The following TMEM120B variants were observed in gnomAD, a reference collection of about 807,000 sequenced individuals.
TMEM120B encodes the protein transmembrane protein 120B.
In TMEM120B, 31 loss-of-function variants were observed where a neutral mutation model predicts 55.5. That is an observed-to-expected ratio of 0.56 (90% confidence interval 0.42 to 0.75). The LOEUF is 0.75. Ranked by LOEUF, TMEM120B falls within the 30% of genes least tolerant of loss-of-function variation. The probability of loss-of-function intolerance (pLI) is 0.00; values close to 1 mark genes in which losing one functional copy is unlikely to be tolerated. For missense variants in TMEM120B, 399 were observed against 425.5 expected (o/e 0.94, Z 0.55); for synonymous variants, 203 against 176.3 (o/e 1.15, Z -1.20).
chr12:121,775,939 C>G lies in TMEM120B; in HGVS notation c.*217C>G, dbSNP rs1874230917. 2 of 614,750 alleles carry G rather than the reference C, an allele frequency of 3.3e-6. No individual in the cohort carries two copies. Among genetic ancestry groups the G allele is most frequent in the Admixed American group, 2.9e-5 (1 of 34,502 alleles). The allele number at this position is 614,750 out of a possible 1,614,324, so 38.1% of individuals were successfully genotyped here. A position where few individuals can be genotyped will look rare whatever the true frequency, so the allele number is the denominator to read the frequency against. ...TATTTAATGCTGGGTCCCCCATCGT[C>G]CCTGGAACCCGAGGCCTCACTCCTG... is the stretch of plus-strand genomic sequence containing the variant. On this transcript the variant is annotated 3_prime_UTR_variant, in exon 12 of 12. Transcript: ENST00000449592. This position sits in a 1 kb window ranked among gnomAD's most constrained non-coding sequence, Gnocchi z 4.3.
At position 121,780,978 on chromosome 12, in the gene TMEM120B, C is replaced by A; in HGVS notation, c.*5256C>A. 5 of 1,613,848 alleles carry A rather than the reference C, an allele frequency of 3.1e-6. No individual in the cohort carries two copies. The highest frequency in any genetic ancestry group is 4.2e-6 in the Non-Finnish European group (5 of 1,179,850). ...GCCGATGAGCACCATGGGGATCCCGCGGCAGAAATGCGTGACCTCAGGGAA... is the reference window on the plus strand; with the variant it reads ...GCCGATGAGCACCATGGGGATCCCGAGGCAGAAATGCGTGACCTCAGGGAA... On this transcript the variant is annotated 3_prime_UTR_variant, in exon 12 of 12. Transcript: ENST00000449592.
intron 5 of TMEM120B, among the ~76,000 whole-genome samples, chr12:121,753,259 A>G (rs1207984106): frequency 6.6e-6 from 1 of 152,196 alleles, no homozygotes; most frequent in East Asian, 1.9e-4. Flanking sequence ...AGAACAGGCA[A>G]ATCTATAGAG....
rs111622718 is a variant in TMEM120B at position 121,747,351 on chromosome 12, G to T, written c.189-975G>T. Among the ~76,000 whole-genome samples the T allele has an allele frequency of 2.5e-3, 3 of 1,212 alleles. No individual in the cohort carries two copies. The East Asian group carries it at 0.14, about 55-fold the overall frequency. The allele number at this position is 1,212 out of a possible 152,430, so 0.8% of individuals were successfully genotyped here. A position where few individuals can be genotyped will look rare whatever the true frequency, so the allele number is the denominator to read the frequency against. ...GGGAGGCTGGGGTAAAAGGCGGGAGGCTGGGGTAGAAGGCGGGAGGCTGGG... is the reference window on the plus strand; with the variant it reads ...GGGAGGCTGGGGTAAAAGGCGGGAGTCTGGGGTAGAAGGCGGGAGGCTGGG... On this transcript the variant is annotated intron_variant, in intron 2 of 11. Coordinates refer to ENST00000449592, the MANE Select transcript of TMEM120B (RefSeq NM_001080825.2).
intron 1 of TMEM120B, among the ~76,000 whole-genome samples, chr12:121,739,535 C>T (rs1291438169): frequency 6.6e-6 from 1 of 151,888 alleles, no homozygotes; most frequent in Non-Finnish European, 1.5e-5. Context: ...TGCAGTGACA[C>T]GATCTCAGCT....
intron 6 of TMEM120B, among the ~76,000 whole-genome samples, chr12:121,764,546 G>A (rs1224594094): frequency 6.6e-6 from 1 of 151,906 alleles, no homozygotes; most frequent in Non-Finnish European, 1.5e-5. Flanking sequence ...AGGCATGGTG[G>A]TGTACACCTG....
At chr12:121,766,950 C>T (rs1023758628) in intron 6 of TMEM120B, among the ~76,000 whole-genome samples, 4 of 152,180 alleles carry the variant, frequency 2.6e-5, no homozygotes, top group Non-Finnish European at 5.9e-5. Flanking sequence ...TGGCCCAAGG[C>T]ACAGAGCCAG....
At chr12:121,719,257 A>C (rs1256831997) in intron 1 of TMEM120B, among the ~76,000 whole-genome samples, 1 of 151,254 alleles carries the variant, frequency 6.6e-6, no homozygotes, top group Non-Finnish European at 1.5e-5. Flanking sequence ...AAAAAAAAAC[A>C]GAGAGAGGGA....
In TMEM120B at chr12:121,778,125, C is replaced by T. The variant is rs1874305871; in HGVS notation, c.*2403C>T. 1 of 152,230 alleles carries T rather than the reference C, an allele frequency of 6.6e-6. No individual in the cohort carries two copies. The highest frequency in any genetic ancestry group is 1.5e-5 in the Non-Finnish European group (1 of 68,084). The allele number at this position is 152,230 out of a possible 1,614,324, so 9.4% of individuals were successfully genotyped here. A position where few individuals can be genotyped will look rare whatever the true frequency, so the allele number is the denominator to read the frequency against. ...TCCAGAGCCAAGCAGCTTGCGACTT[C>T]TGGTAGGCACCGGAATCCCCTGGGA... On this transcript the variant is annotated 3_prime_UTR_variant, in exon 12 of 12. Transcript: ENST00000449592.
intron 5 of TMEM120B, among the ~76,000 whole-genome samples, chr12:121,760,129 CAAA>C (rs1006164597): frequency 1.9e-4 from 9 of 47,426 alleles, no homozygotes; most frequent in African/African-American, 5.3e-4. Flanking sequence ...AACTACGTCT[CAAA>C]AAAAAAAAAA....
chr12:121,713,039 C>A, intron 1 of TMEM120B, 75 bp downstream of exon 1: 1 of 1,313,866 alleles, frequency 7.6e-7, no homozygotes, highest in African/African-American at 1.6e-5. Context: ...GCCCCCCGGC[C>A]CGGGCGGTGG....
At chr12:121,773,117 C>G (rs1208782362) in intron 8 of TMEM120B, among the ~76,000 whole-genome samples, 1 of 152,202 alleles carries the variant, frequency 6.6e-6, no homozygotes, top group African/African-American at 2.4e-5. Flanking sequence ...AGCTTGCATT[C>G]CAGCAAGCAT....
chr12:121,765,410 A>G (rs923843662), intron 6 of TMEM120B, among the ~76,000 whole-genome samples: 27 of 152,234 alleles, frequency 1.8e-4, no homozygotes, highest in African/African-American at 6.3e-4. Context: ...GATTAGAGGC[A>G]TGAGCCACTG....
intron 1 of TMEM120B, among the ~76,000 whole-genome samples, chr12:121,741,825 A>G (rs1234478022): frequency 6.6e-6 from 1 of 151,062 alleles, no homozygotes; most frequent in Non-Finnish European, 1.5e-5. Flanking sequence ...AAAAACATTA[A>G]GTAAAATAAA....
intron 5 of TMEM120B, among the ~76,000 whole-genome samples, chr12:121,752,821 T>C (rs989190601): frequency 2.7e-5 from 4 of 150,760 alleles, no homozygotes; most frequent in African/African-American, 9.8e-5. Context: ...AAATGAAAAG[T>C]TGGGCGTGGT....
chr12:121,742,761 A>G (rs1241375369), intron 1 of TMEM120B, among the ~76,000 whole-genome samples: 1 of 152,040 alleles, frequency 6.6e-6, no homozygotes, highest in East Asian at 1.9e-4. Context: ...CATTTTTAGT[A>G]GAGACGGGGT....
chr12:121,774,402 A>G lies in TMEM120B; in HGVS notation c.773-256A>G, dbSNP rs76776754. Among the ~76,000 whole-genome samples the G allele has an allele frequency of 1.3e-3, 201 of 152,338 alleles. 1 individual carries two copies. The highest frequency in any genetic ancestry group is 4.6e-3 in the African/African-American group (190 of 41,578). On this transcript the variant is annotated intron_variant, in intron 9 of 11. Transcript: ENST00000449592. The stretch of plus-strand genomic sequence containing the variant: ...GCAGATTAAAGAAATTAGTAACAAC[A>G]TAGCGCCCAGTGTCTGTGTGTTGTC...
chr12:121,714,629 G>A (rs1186627751), intron 1 of TMEM120B, among the ~76,000 whole-genome samples: 4 of 133,896 alleles, frequency 3.0e-5, no homozygotes, highest in Admixed American at 8.1e-5. Context: ...TGGCACGATC[G>A]TGGCTCACTG....
At chr12:121,727,648 C>G (rs1333860960) in intron 1 of TMEM120B, among the ~76,000 whole-genome samples, 1 of 150,974 alleles carries the variant, frequency 6.6e-6, no homozygotes, top group Admixed American at 6.6e-5. Flanking sequence ...CCGAGGCGGG[C>G]GGATCACGAG....
chr12:121,718,315 C>T (rs541331373), intron 1 of TMEM120B, among the ~76,000 whole-genome samples: 2 of 152,138 alleles, frequency 1.3e-5, no homozygotes, highest in Admixed American at 1.3e-4. Flanking sequence ...GAAACCCCAT[C>T]ACTATAAAAC....
Sources: allele counts gnomAD v4.1 joint callset (sites outside exome capture counted in the v4.1 genomes callset), GRCh38; gene constraint gnomAD v4.1.1; non-coding constraint Gnocchi (gnomAD v3.1); transcripts MANE v1.5; gene names NCBI Gene and HGNC (gene_info 2026-07-23, HGNC 2026-07-21).